Variants in SNX18 observed in about 807,000 individuals in gnomAD.
SNX18 encodes the protein sorting nexin 18.
Under a neutral mutation model 48.7 loss-of-function variants are expected in SNX18, and 35 were observed. That is an observed-to-expected ratio of 0.72 (90% CI 0.55 to 0.95). The LOEUF (loss-of-function observed/expected upper bound fraction) is 0.95, where lower values mean the gene tolerates loss of function less well. Among genes scored for constraint, SNX18 ranks in the 40% least tolerant of loss-of-function variants. The pLI is 0.00. For synonymous variants in SNX18, 492 were observed against 384.7 expected (o/e 1.28, Z -3.26); for missense variants, 824 against 871.0 (o/e 0.95, Z 0.68).
At chr5:54,523,721 A>G (rs1762076070) in intron 1 of SNX18, among the ~76,000 whole-genome samples, 1 of 152,214 alleles carries the variant, frequency 6.6e-6, no homozygotes, top group Non-Finnish European at 1.5e-5. Context: ...ATGGTATACC[A>G]GTAGTGGGCC....
At chr5:54,590,914 C>G in the SNX18 span, among the ~76,000 whole-genome samples, 2 of 152,070 alleles carry the variant, frequency 1.3e-5, no homozygotes, top group African/African-American at 2.4e-5. Context: ...AGTAAATGTT[C>G]ATTTGATATG....
intron 1 of SNX18, among the ~76,000 whole-genome samples, chr5:54,540,916 A>G (rs899327629): frequency 4.6e-5 from 7 of 152,128 alleles, no homozygotes; most frequent in Non-Finnish European, 1.0e-4. Flanking sequence ...TTAATTTCCT[A>G]TTCTCTTTAT....
At chr5:54,596,516 A>G in the SNX18 span, among the ~76,000 whole-genome samples, 29,139 of 152,130 alleles carry the variant, frequency 0.19, 2,823 homozygotes, top group East Asian at 0.23. Flanking sequence ...CTTCTCCAAT[A>G]CATCAACTAG....
chr5:54,572,816 C>T, the SNX18 span, among the ~76,000 whole-genome samples: 21 of 94,366 alleles, frequency 2.2e-4, no homozygotes, highest in Non-Finnish European at 2.2e-4. Flanking sequence ...TTTTCTGAGA[C>T]AGAGTATCAC....
the SNX18 span, among the ~76,000 whole-genome samples, chr5:54,609,505 G>C: frequency 6.6e-6 from 1 of 151,952 alleles, no homozygotes; most frequent in Non-Finnish European, 1.5e-5. Context: ...TATTTTTAGA[G>C]TCAGAGTCTT....
rs1007251227 is a variant in SNX18 at position 54,517,762 on chromosome 5, C to G, written c.-191C>G. On this transcript the variant is annotated 5_prime_UTR_variant, in exon 1 of 2. Transcript: ENST00000381410. ...GGCTGCGGCGGCCCAGCGCGGCAGTCGGCGCTGCGAAGTGGAGGCGCTGCG... is the reference window on the plus strand; with the variant it reads ...GGCTGCGGCGGCCCAGCGCGGCAGTGGGCGCTGCGAAGTGGAGGCGCTGCG... 3.9e-5 allele frequency: 15 copies of G among 386,328 alleles called. No homozygotes were observed. In the East Asian group the frequency reaches 5.2e-4, roughly 13 times the overall value. The allele number at this position is 386,328 out of a possible 1,614,324, so 23.9% of individuals were successfully genotyped here.
downstream of SNX18, among the ~76,000 whole-genome samples, chr5:54,549,037 T>C (rs1762614933): frequency 6.6e-6 from 1 of 152,254 alleles, no homozygotes; most frequent in Non-Finnish European, 1.5e-5. Flanking sequence ...TTATTTGTAT[T>C]TTTTTGTATT....
chr5:54,647,013 T>C, the SNX18 span, among the ~76,000 whole-genome samples: 1 of 152,150 alleles, frequency 6.6e-6, no homozygotes, highest in Admixed American at 6.6e-5. Context: ...CAAGAGCAAT[T>C]CGTCATCGGC....
the SNX18 span, among the ~76,000 whole-genome samples, chr5:54,609,403 A>C: frequency 6.6e-6 from 1 of 152,096 alleles, no homozygotes; most frequent in Non-Finnish European, 1.5e-5. Context: ...TGTTGTCCCC[A>C]AAACACATCT....
chr5:54,621,383 C>T, the SNX18 span, among the ~76,000 whole-genome samples: 8 of 152,150 alleles, frequency 5.3e-5, no homozygotes, highest in East Asian at 1.9e-4. Flanking sequence ...CCTGACTAGT[C>T]CTGACCAGGG....
chr5:54,593,665 C>T, the SNX18 span, among the ~76,000 whole-genome samples: 4 of 152,174 alleles, frequency 2.6e-5, no homozygotes, highest in Admixed American at 2.6e-4. Context: ...CAGTAATCCA[C>T]AGAGTGTGGT....
the SNX18 span, among the ~76,000 whole-genome samples, chr5:54,593,618 G>A: frequency 6.6e-6 from 1 of 152,166 alleles, no homozygotes; most frequent in Non-Finnish European, 1.5e-5. Context: ...AACGAACTTG[G>A]AACACTTATA....
At chr5:54,634,924 T>A in the SNX18 span, among the ~76,000 whole-genome samples, 1 of 152,200 alleles carries the variant, frequency 6.6e-6, no homozygotes, top group Non-Finnish European at 1.5e-5. Flanking sequence ...CTGAATTTCC[T>A]TTAAAAACTA....
chr5:54,528,139 TACACACAC>T (rs10554517), intron 1 of SNX18, among the ~76,000 whole-genome samples: 39 of 150,132 alleles, frequency 2.6e-4, no homozygotes, highest in Non-Finnish European at 5.0e-4. Flanking sequence ...TACACGCACA[TACACACAC>T]ACACACACAC....
At chr5:54,541,411 T>C (rs544221188) in intron 1 of SNX18, among the ~76,000 whole-genome samples, 2 of 152,200 alleles carry the variant, frequency 1.3e-5, no homozygotes, top group Admixed American at 1.3e-4. Flanking sequence ...TTGCAATAAA[T>C]TATTATTAAT....
At chr5:54,646,459 C>T in the SNX18 span, among the ~76,000 whole-genome samples, 9,258 of 152,312 alleles carry the variant, frequency 0.061, 479 homozygotes, top group African/African-American at 0.14. Context: ...CTCACTGCTG[C>T]CGGTTGCCCT....
At chr5:54,598,861 T>C in the SNX18 span, among the ~76,000 whole-genome samples, 5 of 152,064 alleles carry the variant, frequency 3.3e-5, no homozygotes, top group Non-Finnish European at 7.4e-5. Flanking sequence ...CTATTCAACT[T>C]AGTATTGGAA....
chr5:54,533,629 C>T (rs1448263821), intron 1 of SNX18, among the ~76,000 whole-genome samples: 1 of 152,208 alleles, frequency 6.6e-6, no homozygotes, highest in Non-Finnish European at 1.5e-5. Context: ...CTGAGTTTCA[C>T]TTTCTGCCTC....
the SNX18 span, among the ~76,000 whole-genome samples, chr5:54,593,028 T>A: frequency 6.6e-6 from 1 of 152,074 alleles, no homozygotes; most frequent in African/African-American, 2.4e-5. Context: ...CTCAAACCCC[T>A]GACCTCATGT....
Sources: allele counts gnomAD v4.1 joint callset (sites outside exome capture counted in the v4.1 genomes callset), GRCh38; gene constraint gnomAD v4.1.1; transcripts MANE v1.5; gene names NCBI Gene and HGNC (gene_info 2026-07-23, HGNC 2026-07-21).